TTC8: variants seen among roughly 807,000 people sequenced by gnomAD.
TTC8 encodes the protein tetratricopeptide repeat protein 8.
Under a neutral mutation model 72.5 loss-of-function variants are expected in TTC8, and 47 were observed. The ratio of observed to expected loss-of-function variants is 0.65; its 90% CI spans 0.51 to 0.83. TTC8 has a LOEUF of 0.83. Among genes scored for constraint, TTC8 ranks in the 40% least tolerant of loss-of-function variants. The pLI, the probability that TTC8 is intolerant of heterozygous loss-of-function variation, is 0.00. For missense variants in TTC8, 611 were observed against 623.2 expected (o/e 0.98, Z 0.21); for synonymous variants, 199 against 221.4 (o/e 0.90, Z 0.90).
At chr14:88,828,660 G>A (rs769503448) in intron 1 of TTC8, among the ~76,000 whole-genome samples, 2 of 151,870 alleles carry the variant, frequency 1.3e-5, no homozygotes, top group East Asian at 1.9e-4. Context: ...TTCACTTTTG[G>A]TTTTGCTTAT....
At chr14:88,834,325 G>T (rs2094739922) in intron 2 of TTC8, among the ~76,000 whole-genome samples, 1 of 152,152 alleles carries the variant, frequency 6.6e-6, no homozygotes, top group African/African-American at 2.4e-5. Flanking sequence ...AGAGGAGGGG[G>T]ACACCTGGCC....
intron 2 of TTC8, among the ~76,000 whole-genome samples, chr14:88,838,274 T>G (rs1199855226): frequency 1.3e-5 from 2 of 152,170 alleles, no homozygotes; most frequent in African/African-American, 4.8e-5. Context: ...TCAGGGAAAT[T>G]AGGATCCGTG....
intron 7 of TTC8, among the ~76,000 whole-genome samples, chr14:88,846,162 C>G (rs2094805473): frequency 6.6e-6 from 1 of 151,836 alleles, no homozygotes; most frequent in Non-Finnish European, 1.5e-5. Context: ...CAAAAATTAG[C>G]CAGGCATGGT....
At chr14:88,852,902 A>ATTAT (rs2094839648) in intron 7 of TTC8, 69 bp from the exon 8 acceptor site, 2 of 1,295,746 alleles carry the variant, frequency 1.5e-6, no homozygotes, top group Non-Finnish European at 2.2e-6. Flanking sequence ...GGTCTATTTC[A>ATTAT]TTATTTATTT....
intron 1 of TTC8, among the ~76,000 whole-genome samples, chr14:88,833,302 T>C (rs1303937374): frequency 6.6e-6 from 1 of 152,224 alleles, no homozygotes; most frequent in African/African-American, 2.4e-5. Context: ...TGGATTTTCC[T>C]TCTTCTCCTT....
chr14:88,843,270 C>T (rs910580633), intron 6 of TTC8, among the ~76,000 whole-genome samples: 6 of 152,162 alleles, frequency 3.9e-5, no homozygotes, highest in African/African-American at 1.4e-4. Context: ...TGTGCCCCAC[C>T]GCCAGGTGAT....
intron 7 of TTC8, among the ~76,000 whole-genome samples, chr14:88,845,604 G>C (rs1312704573): frequency 6.6e-6 from 1 of 151,982 alleles, no homozygotes; most frequent in African/African-American, 2.4e-5. Context: ...GCTGGTGAGG[G>C]GCTTTCAGCA....
chr14:88,866,788 T>A (rs1027604143), intron 10 of TTC8, among the ~76,000 whole-genome samples: 4 of 152,188 alleles, frequency 2.6e-5, no homozygotes, highest in African/African-American at 9.7e-5. Flanking sequence ...CAGGGATTCT[T>A]GAGCCACACC....
rs767224680 is a variant in TTC8, at chr14:88,870,117, A to G, written c.968A>G (p.Asn323Ser). Residue 323 changes from asparagine to serine, a missense_variant, in exon 11 of 15, where the codon AAT becomes AGT. Physicochemically the swap from Asn to Ser is conservative, Grantham distance 46. Transcript: ENST00000380656. Reference sequence around the variant, plus strand: ...TACAAAGAAGTTTTGAAACAAGACAATACTCATGTGGAAGCCATCGCATGC... The same window carrying G: ...TACAAAGAAGTTTTGAAACAAGACAGTACTCATGTGGAAGCCATCGCATGC... ...EYYKEVLKQD[N>S]THVEAIACIG... 1 of 1,614,086 alleles carries G rather than the reference A, an allele frequency of 6.2e-7. No individual in the cohort carries two copies. The highest frequency in any genetic ancestry group is 8.5e-7 in the Non-Finnish European group (1 of 1,179,942).
At position 88,841,482 on chromosome 14, in the gene TTC8, A is replaced by G. The variant is rs1377348938; in HGVS notation, c.547A>G (p.Thr183Ala). The change falls in exon 6 of 15, where the codon ACA (threonine) becomes GCA (alanine). Residue 183 changes from threonine to alanine, a missense_variant. By Grantham distance (58) the Thr-to-Ala change is moderately conservative. Transcript: ENST00000380656. ...TATAAATTTATCTAGGCTGAATTTAACAAAGTATTCCCAGAAACCTAAGTT... is the reference window on the plus strand; with the variant it reads ...TATAAATTTATCTAGGCTGAATTTAGCAAAGTATTCCCAGAAACCTAAGTT... ...PFINLSRLNL[T>A]KYSQKPKLAK... 1 of 1,613,678 alleles carries G rather than the reference A, an allele frequency of 6.2e-7. No homozygotes were observed. Among genetic ancestry groups the G allele is most frequent in the African/African-American group, 1.3e-5 (1 of 74,922 alleles).
At chr14:88,862,657 AC>A (rs1296446074) in intron 10 of TTC8, among the ~76,000 whole-genome samples, 1 of 133,446 alleles carries the variant, frequency 7.5e-6, no homozygotes, top group African/African-American at 2.8e-5. Flanking sequence ...ATCATAACTC[AC>A]TGCAGCCTCC....
chr14:88,875,157 T>C, intron 14 of TTC8, 48 bp downstream of exon 14: 3 of 1,506,504 alleles, frequency 2.0e-6, no homozygotes, highest in East Asian at 2.3e-5. Context: ...TCTTTTTTTT[T>C]CTTTGTTTTA....
At chr14:88,875,259 T>A (rs2094952662) in intron 14 of TTC8, 150 bp downstream of exon 14, 2 of 686,688 alleles carry the variant, frequency 2.9e-6, no homozygotes, top group East Asian at 5.5e-5. Context: ...TATTTATACA[T>A]CTTTACTTCA....
rs111348285 is a variant in TTC8, at chr14:88,840,829, T to A, written c.266-36T>A. The A allele has an allele frequency of 9.4e-6, 15 of 1,598,980 alleles. No individual in the cohort carries two copies. The African/African-American group carries it at 1.5e-4, about 16-fold the overall frequency. ...CTTACAGTTTTTACAGATTAATAGA[T>A]AATATATAAATTGTATTAGCCATCT... is the stretch of plus-strand genomic sequence containing the variant. On this transcript the variant is annotated intron_variant, in intron 3 of 14. Transcript: ENST00000380656.
At chr14:88,843,974 T>C in intron 7 of TTC8, 124 bp downstream of exon 7, 1 of 724,044 alleles carries the variant, frequency 1.4e-6, no homozygotes, top group Non-Finnish European at 2.3e-6. Flanking sequence ...GGAGAACTAC[T>C]AATACTTTAA....
At chr14:88,832,576 T>G (rs2094731108) in intron 1 of TTC8, among the ~76,000 whole-genome samples, 1 of 152,192 alleles carries the variant, frequency 6.6e-6, no homozygotes, top group Non-Finnish European at 1.5e-5. Flanking sequence ...ATCTCTGAAT[T>G]TGTTTCCTTA....
Position 88,837,311 on chromosome 14 carries a change from G to T in TTC8, c.145-2141G>T, listed in dbSNP as rs990805691. Among the ~76,000 whole-genome samples the T allele has an allele frequency of 7.2e-5, 11 of 152,058 alleles. No individual in the cohort carries two copies. In the South Asian group the frequency reaches 1.9e-3, roughly 26 times the overall value. The stretch of plus-strand genomic sequence containing the variant: ...AGCCTGCCTATTGTCCACTTTGCCT[G>T]TCCGCTGGGCCCAATTCTTCACTTC... On this transcript the variant is annotated intron_variant, in intron 2 of 14. Transcript: ENST00000380656.
intron 6 of TTC8, 108 bp downstream of exon 6, chr14:88,841,622 T>C (rs1238159744): frequency 1.1e-5 from 10 of 947,816 alleles, no homozygotes; most frequent in African/African-American, 3.2e-5. Context: ...ATGTCTTTAT[T>C]GAAGTGGAAA....
At chr14:88,834,169 G>A (rs1213915248) in intron 2 of TTC8, among the ~76,000 whole-genome samples, 1 of 152,168 alleles carries the variant, frequency 6.6e-6, no homozygotes, top group Non-Finnish European at 1.5e-5. Context: ...CTAAGAGGGA[G>A]GAGGCTGCCA....
Sources: gnomAD v4.1 joint callset for allele counts (sites outside exome capture counted in the v4.1 genomes callset) on GRCh38, gnomAD v4.1.1 for gene constraint, MANE v1.5 for transcripts, NCBI Gene and HGNC (gene_info 2026-07-23, HGNC 2026-07-21) for gene names.